The following HDAC4 variants were observed in gnomAD, a reference collection of about 807,000 sequenced individuals.
HDAC4 encodes the protein histone deacetylase 4.
In HDAC4, 16 loss-of-function variants were observed where a neutral mutation model predicts 135.1. The observed-to-expected ratio is 0.12, with a 90% CI of 0.08 to 0.18. The LOEUF is 0.18. HDAC4 is among the 10% of genes least tolerant of loss of function. The probability of loss-of-function intolerance (pLI) is 1.00; values close to 1 mark genes in which losing one functional copy is unlikely to be tolerated. For synonymous variants in HDAC4, 685 were observed against 653.4 expected (o/e 1.05, Z -0.74); for missense variants, 1,143 against 1,511.8 (o/e 0.76, Z 4.05).
intron 2 of HDAC4, among the ~76,000 whole-genome samples, chr2:239,250,382 G>A (rs1444725380): frequency 6.6e-6 from 1 of 152,250 alleles, no homozygotes; most frequent in East Asian, 1.9e-4. Context: ...GCCAGAACCA[G>A]TGGGGAAGAA....
rs1004824223 is a variant in HDAC4 at position 239,245,954 on chromosome 2, C to T, written c.23-9290G>A. Among the ~76,000 whole-genome samples the T allele has an allele frequency of 3.3e-5, 5 of 152,290 alleles. No homozygotes were observed. The highest frequency in any genetic ancestry group is 2.1e-4 in the South Asian group (1 of 4,824). ...CGTCTGGGAACGTGAGAGTGAGCAA[C>T]GCAGAGGCCTGGCCCCGGCCCAGCA... On this transcript the variant is annotated intron_variant, in intron 2 of 26. Coordinates refer to ENST00000543185, the MANE Select transcript of HDAC4 (RefSeq NM_001378414.1). The surrounding 1 kb of genome is among the most constrained non-coding windows in gnomAD (Gnocchi z 4.4).
chr2:239,173,364 C>T (rs565545880), intron 5 of HDAC4, among the ~76,000 whole-genome samples: 1 of 152,268 alleles, frequency 6.6e-6, no homozygotes, highest in Admixed American at 6.5e-5. Flanking sequence ...TCAAATAAAT[C>T]CATATGCTTT....
chr2:239,209,791 T>C (rs2046261237), intron 3 of HDAC4, among the ~76,000 whole-genome samples: 1 of 152,150 alleles, frequency 6.6e-6, no homozygotes, highest in African/African-American at 2.4e-5. Context: ...GTAACTCCTA[T>C]AAAGCCGCCA....
intron 1 of HDAC4, among the ~76,000 whole-genome samples, chr2:239,374,833 A>T (rs1045423374): frequency 1.3e-5 from 2 of 152,254 alleles, no homozygotes; most frequent in Non-Finnish European, 2.9e-5. Context: ...AACCTGGACG[A>T]GAGCCAAGCT....
intron 1 of HDAC4, among the ~76,000 whole-genome samples, chr2:239,356,624 A>G (rs1575742836): frequency 6.6e-6 from 1 of 152,274 alleles, no homozygotes; most frequent in Non-Finnish European, 1.5e-5. Flanking sequence ...TATGTATATC[A>G]AAGTAAAATT....
chr2:239,315,070 T>A (rs2053060363), intron 2 of HDAC4, among the ~76,000 whole-genome samples: 1 of 152,232 alleles, frequency 6.6e-6, no homozygotes, highest in African/African-American at 2.4e-5. Flanking sequence ...CAAACCCTTA[T>A]CATAATCCAG....
chr2:239,173,016 C>T (rs1342422237), intron 5 of HDAC4, among the ~76,000 whole-genome samples: 1 of 152,058 alleles, frequency 6.6e-6, no homozygotes, highest in African/African-American at 2.4e-5. Flanking sequence ...AATCAAAAAC[C>T]TTTGCACAAA....
At chr2:239,278,650 T>C (rs917801195) in intron 2 of HDAC4, among the ~76,000 whole-genome samples, 1 of 152,136 alleles carries the variant, frequency 6.6e-6, no homozygotes, top group African/African-American at 2.4e-5. Context: ...CCAGCCTGGG[T>C]GACAGAGGGA....
intron 5 of HDAC4, among the ~76,000 whole-genome samples, chr2:239,170,734 A>G (rs2411424): frequency 0.85 from 129,843 of 152,184 alleles, 55,506 homozygotes; most frequent in South Asian, 0.95. Context: ...CTAGGGCAGC[A>G]TGGAACACCA....
intron 19 of HDAC4, chr2:239,085,986 ACT>A (rs1376525172): frequency 1.2e-5 from 1 of 85,256 alleles, no homozygotes; most frequent in African/African-American, 5.1e-5. Flanking sequence ...CACGAAGGAG[ACT>A]CTGCTCTAAC....
intron 1 of HDAC4, among the ~76,000 whole-genome samples, chr2:239,398,437 T>C (rs1474068994): frequency 6.6e-6 from 1 of 152,236 alleles, no homozygotes; most frequent in African/African-American, 2.4e-5. Context: ...TTACTGGGCA[T>C]AAATATGCAG....
At chr2:239,196,919 A>G (rs565466536) in intron 3 of HDAC4, among the ~76,000 whole-genome samples, 1 of 152,296 alleles carries the variant, frequency 6.6e-6, no homozygotes, top group Admixed American at 6.5e-5. Context: ...CAGTCTGGTG[A>G]GGCCGGCCCA....
chr2:239,310,851 C>T (rs990527214), intron 2 of HDAC4, among the ~76,000 whole-genome samples: 2 of 152,186 alleles, frequency 1.3e-5, no homozygotes, highest in Admixed American at 6.5e-5. Context: ...CTTCCACTGG[C>T]CTGACACCTG....
intron 9 of HDAC4, among the ~76,000 whole-genome samples, chr2:239,134,958 T>C (rs1330009255): frequency 3.3e-5 from 5 of 152,250 alleles, no homozygotes; most frequent in Admixed American, 1.3e-4. Flanking sequence ...TAGGCTAATA[T>C]AGTTTACAAT....
In HDAC4 at chr2:239,115,263, CG is replaced by C. The variant is rs755388277; in HGVS notation, c.1580del (p.Pro527ArgfsTer37). 1 of 1,613,308 alleles carries C rather than the reference CG, an allele frequency of 6.2e-7. No individual in the cohort carries two copies. The highest frequency in any genetic ancestry group is 8.5e-7 in the Non-Finnish European group (1 of 1,179,938). Reference sequence around the variant, plus strand: ...CACGGAGCTCCTCCTCCGTCTCCTCCGGGTGGCTCTCCGGCTGCCGGGCTGG... The same window carrying C: ...CACGGAGCTCCTCCTCCGTCTCCTCCGGTGGCTCTCCGGCTGCCGGGCTGG... The part of the protein sequence containing the change: ...SEPARQPESH[P>X]EETEEELREH... On this transcript the variant is annotated frameshift_variant, in exon 13 of 27. Coordinates refer to ENST00000543185, the MANE Select transcript of HDAC4 (RefSeq NM_001378414.1). LOFTEE classifies it high-confidence loss of function. This position sits in a 1 kb window ranked among gnomAD's most constrained non-coding sequence, Gnocchi z 6.3.
At chr2:239,399,921 C>T (rs868169866) in intron 1 of HDAC4, among the ~76,000 whole-genome samples, 1 of 152,256 alleles carries the variant, frequency 6.6e-6, no homozygotes, top group South Asian at 2.1e-4. Flanking sequence ...AAAGAAAACA[C>T]TCATATCAGC....
rs2039050266 is a variant in HDAC4, at chr2:239,115,521, C to T, written c.1534-211G>A. Among the ~76,000 whole-genome samples the T allele has an allele frequency of 6.6e-6, 1 of 152,058 alleles. No individual in the cohort carries two copies. The highest frequency in any genetic ancestry group is 2.1e-4 in the South Asian group (1 of 4,826). On this transcript the variant is annotated intron_variant, in intron 12 of 26. Transcript: ENST00000543185. The surrounding 1 kb of genome is among the most constrained non-coding windows in gnomAD (Gnocchi z 6.3). ...TAAGAAAATAATGCCCAGTAGGACC[C>T]CAGCCCAGGGTCAAGGTGACCTGGC...
chr2:239,076,199 C>G (rs1009810794), intron 22 of HDAC4, among the ~76,000 whole-genome samples: 1 of 150,570 alleles, frequency 6.6e-6, no homozygotes, highest in Non-Finnish European at 1.5e-5. Flanking sequence ...TGGGTTGGAA[C>G]AGCAGGCGGG....
intron 1 of HDAC4, among the ~76,000 whole-genome samples, chr2:239,394,537 T>G (rs1159444422): frequency 6.6e-6 from 1 of 152,244 alleles, no homozygotes; most frequent in Non-Finnish European, 1.5e-5. Flanking sequence ...GACAGCTGTG[T>G]TGAAGGCCCT....
Sources: allele counts gnomAD v4.1 joint callset (sites outside exome capture counted in the v4.1 genomes callset), GRCh38; gene constraint gnomAD v4.1.1; non-coding constraint Gnocchi (gnomAD v3.1); transcripts MANE v1.5; gene names NCBI Gene and HGNC (gene_info 2026-07-23, HGNC 2026-07-21).